PRR33: variants seen among roughly 807,000 people sequenced by gnomAD.
The protein encoded by PRR33 is proline-rich protein 33.
PRR33 carries 1 observed loss-of-function variant against 0.5 expected under a neutral mutation model. That is an observed-to-expected ratio of 2.18 (90% CI 0.77 to 10.34). The LOEUF is 10.34. PRR33 is among the 30% of genes most tolerant of loss of function. The pLI is 0.13. For missense variants in PRR33, 552 were observed against 251.8 expected (o/e 2.19, Z -8.07); for synonymous variants, 226 against 110.0 (o/e 2.06, Z -6.60).
chr11:1,904,203 A>G, the PRR33 span, among the ~76,000 whole-genome samples: 1 of 152,214 alleles, frequency 6.6e-6, no homozygotes, highest in African/African-American at 2.4e-5. Context: ...TGGAAGCTCT[A>G]CGCCAGATCC....
upstream of PRR33, chr11:1,891,991 CA>C (rs1177354480): frequency 2.0e-5 from 3 of 152,412 alleles, no homozygotes; most frequent in African/African-American, 4.8e-5. Context: ...CCGCCCTCCC[CA>C]CCCAGCTCCG....
chr11:1,890,641 G>A (rs1848962160), exon 1 of PRR33: 1 of 670,610 alleles, frequency 1.5e-6, no homozygotes. Flanking sequence ...CCCTCCTGAG[G>A]TGGGAGGCCT....
At chr11:1,916,874 T>C in the PRR33 span, among the ~76,000 whole-genome samples, 1 of 152,018 alleles carries the variant, frequency 6.6e-6, no homozygotes, top group African/African-American at 2.4e-5. Flanking sequence ...AATGCGGAGG[T>C]CAGGAGGCTC....
At chr11:1,907,954 G>A in the PRR33 span, 2 of 152,186 alleles carry the variant, frequency 1.3e-5, no homozygotes, top group Non-Finnish European at 2.9e-5. Context: ...ATGAGGATCC[G>A]TGTTACGACC....
chr11:1,909,923 G>C, the PRR33 span, among the ~76,000 whole-genome samples: 3 of 152,336 alleles, frequency 2.0e-5, no homozygotes, highest in South Asian at 6.2e-4. Flanking sequence ...TGTATATCCA[G>C]GTGCAAGTGA....
exon 1 of PRR33, chr11:1,888,969 C>T: frequency 1.9e-6 from 1 of 523,862 alleles, no homozygotes; most frequent in Non-Finnish European, 3.4e-6. Context: ...TGACCACCCT[C>T]CTAACCATGC....
the PRR33 span, among the ~76,000 whole-genome samples, chr11:1,908,938 G>A: frequency 6.6e-6 from 1 of 152,218 alleles, no homozygotes; most frequent in African/African-American, 2.4e-5. Flanking sequence ...AGTTTCTTGA[G>A]CCTTCGTGTT....
At chr11:1,894,949 G>GA (rs1849107063), upstream of PRR33, among the ~76,000 whole-genome samples, 1 of 152,156 alleles carries the variant, frequency 6.6e-6, no homozygotes, top group Non-Finnish European at 1.5e-5. Context: ...GCCCTTCCTA[G>GA]ACGTGGAGGG....
chr11:1,898,575 C>T, the PRR33 span, among the ~76,000 whole-genome samples: 1 of 152,046 alleles, frequency 6.6e-6, no homozygotes, highest in African/African-American at 2.4e-5. Flanking sequence ...TACTCCAAAC[C>T]ATGGAAAAAG....
exon 1 of PRR33, chr11:1,889,542 A>T: frequency 1.6e-6 from 1 of 612,600 alleles, no homozygotes; most frequent in South Asian, 1.9e-5. Flanking sequence ...CTCCTCCAGC[A>T]GCTGCTTCTT....
chr11:1,894,447 G>C (rs923729443), upstream of PRR33, among the ~76,000 whole-genome samples: 1 of 152,132 alleles, frequency 6.6e-6, no homozygotes, highest in African/African-American at 2.4e-5. Flanking sequence ...TGTTGCCCAG[G>C]CTGGCTTCAA....
the PRR33 span, among the ~76,000 whole-genome samples, chr11:1,897,377 G>A: frequency 6.6e-6 from 1 of 152,220 alleles, no homozygotes; most frequent in African/African-American, 2.4e-5. This position sits in a 1 kb window ranked among gnomAD's most constrained non-coding sequence, Gnocchi z 4.0. Flanking sequence ...AAGTGGGAAC[G>A]AGGACCTCGG....
upstream of PRR33, among the ~76,000 whole-genome samples, chr11:1,895,160 T>C (rs1849110036): frequency 6.6e-6 from 1 of 151,980 alleles, no homozygotes; most frequent in African/African-American, 2.4e-5. Flanking sequence ...GAGATGGAGT[T>C]TTGCTCTTGT....
At chr11:1,889,272 C>A (rs972647187) in exon 1 of PRR33, 1 of 684,436 alleles carries the variant, frequency 1.5e-6, no homozygotes, top group South Asian at 1.5e-5. Context: ...GAAGCGAGGC[C>A]GGTACAGGAA....
exon 1 of PRR33, chr11:1,889,740 T>C (rs1229996293): frequency 1.5e-6 from 1 of 656,912 alleles, no homozygotes; most frequent in African/African-American, 1.8e-5. Flanking sequence ...GACCAGGCTG[T>C]GCGGTGAGGA....
At chr11:1,889,305 G>A (rs1350503715) in exon 1 of PRR33, 1 of 705,544 alleles carries the variant, frequency 1.4e-6, no homozygotes, top group South Asian at 1.5e-5. Context: ...GAGGCTGGCT[G>A]GGGTGTGCTC....
At chr11:1,894,436 A>G (rs939263290), upstream of PRR33, among the ~76,000 whole-genome samples, 4 of 151,918 alleles carry the variant, frequency 2.6e-5, no homozygotes, top group East Asian at 7.7e-4. Context: ...AGGTCTTGCT[A>G]TGTTGCCCAG....
the PRR33 span, among the ~76,000 whole-genome samples, chr11:1,914,281 G>GT: frequency 6.7e-6 from 1 of 149,682 alleles, no homozygotes; most frequent in Non-Finnish European, 1.5e-5. Context: ...TTCTGTATGT[G>GT]TGTGTGTGTT....
the PRR33 span, among the ~76,000 whole-genome samples, chr11:1,897,447 A>G: frequency 2.6e-5 from 4 of 152,210 alleles, no homozygotes; most frequent in African/African-American, 9.6e-5. The surrounding 1 kb of genome is among the most constrained non-coding windows in gnomAD (Gnocchi z 4.0). Context: ...TCATGTGCTC[A>G]GAAAAACAAA....
Sources: gnomAD v4.1 joint callset for allele counts (sites outside exome capture counted in the v4.1 genomes callset) on GRCh38, gnomAD v4.1.1 for gene constraint, Gnocchi (gnomAD v3.1) non-coding constraint, MANE v1.5 for transcripts, NCBI Gene and HGNC (gene_info 2026-07-23, HGNC 2026-07-21) for gene names.